CNTLN: variants seen among roughly 807,000 people sequenced by gnomAD.
The protein encoded by CNTLN is centlein.
Under a neutral mutation model 180.0 loss-of-function variants are expected in CNTLN, and 212 were observed. That is an observed-to-expected ratio of 1.18 (90% CI 1.05 to 1.32). CNTLN has a LOEUF of 1.32. Ranked by LOEUF, CNTLN falls within the 40% of genes most tolerant of loss-of-function variation. The probability of loss-of-function intolerance (pLI) is 0.00; values close to 1 mark genes in which losing one functional copy is unlikely to be tolerated. For missense variants in CNTLN, 2,095 were observed against 1,610.9 expected (o/e 1.30, Z -5.14); for synonymous variants, 722 against 563.1 (o/e 1.28, Z -3.99).
chr9:17,385,233 C>A (rs1825595872), intron 13 of CNTLN, among the ~76,000 whole-genome samples: 1 of 152,202 alleles, frequency 6.6e-6, no homozygotes. Flanking sequence ...TGTTCACCAA[C>A]TTGGAATTTC....
At chr9:17,262,794 G>A (rs755961003) in intron 5 of CNTLN, among the ~76,000 whole-genome samples, 34 of 151,148 alleles carry the variant, frequency 2.2e-4, no homozygotes, top group Admixed American at 1.3e-4. Flanking sequence ...GTTCTTAAAG[G>A]GAATGCTTCC....
At chr9:17,445,717 A>G (rs1423860924) in intron 18 of CNTLN, among the ~76,000 whole-genome samples, 1 of 152,194 alleles carries the variant, frequency 6.6e-6, no homozygotes, top group South Asian at 2.1e-4. Flanking sequence ...TCCCCATGTG[A>G]TAGTCTGAAA....
intron 2 of CNTLN, among the ~76,000 whole-genome samples, chr9:17,212,168 T>C (rs1823368185): frequency 6.6e-6 from 1 of 152,232 alleles, no homozygotes. Context: ...TTTTGCCCAT[T>C]CAGTATGATA....
At chr9:17,414,361 A>G (rs886718728) in intron 16 of CNTLN, among the ~76,000 whole-genome samples, 1 of 152,220 alleles carries the variant, frequency 6.6e-6, no homozygotes, top group African/African-American at 2.4e-5. Context: ...AGTACTGGAA[A>G]CAGAAGCCCA....
intron 7 of CNTLN, chr9:17,301,204 T>G (rs1313374743): frequency 1.0e-6 from 1 of 985,332 alleles, no homozygotes; most frequent in Admixed American, 6.1e-5. Context: ...CTAGTGTATG[T>G]CTTTACTAAA....
chr9:17,135,088 C>T lies in CNTLN; in HGVS notation c.23C>T (p.Ser8Leu). MAARSPP[S>L]PHPSPPARQL... ...GCCATGGCGGCGCGTTCGCCTCCCT[C>T]ACCGCACCCTTCGCCCCCAGCGCGA... The change falls in exon 1 of 26, where the codon TCA becomes TTA. Residue 8 changes from serine (S) to leucine (L), a missense_variant. Ser to Leu is a moderately radical substitution (Grantham distance 145, BLOSUM62 -2). Transcript: ENST00000380647. The T allele has an allele frequency of 3.1e-6, 5 of 1,603,014 alleles. No individual in the cohort carries two copies. The highest frequency in any genetic ancestry group is 4.2e-6 in the Non-Finnish European group (5 of 1,177,516).
At chr9:17,334,461 C>T (rs994511686) in intron 10 of CNTLN, among the ~76,000 whole-genome samples, 6 of 151,372 alleles carry the variant, frequency 4.0e-5, no homozygotes, top group African/African-American at 1.2e-4. Context: ...CAATTATTTA[C>T]TATATTTATA....
chr9:17,237,352 C>T (rs1262982331), intron 5 of CNTLN, among the ~76,000 whole-genome samples: 1 of 116,978 alleles, frequency 8.5e-6, no homozygotes, highest in Non-Finnish European at 1.7e-5. Flanking sequence ...TGTATATGCC[C>T]CTACACACAC....
At chr9:17,333,902 G>A (rs2133139073) in intron 10 of CNTLN, among the ~76,000 whole-genome samples, 1 of 152,272 alleles carries the variant, frequency 6.6e-6, no homozygotes, top group East Asian at 1.9e-4. Flanking sequence ...TTGTCTAACA[G>A]GAGACTGTTA....
intron 25 of CNTLN, 47 bp from the exon 26 acceptor site, chr9:17,502,504 G>A (rs750746426): frequency 2.2e-6 from 2 of 909,326 alleles, no homozygotes; most frequent in South Asian, 3.4e-5. Flanking sequence ...TTTTTGAACT[G>A]AAGAAAATAT....
intron 2 of CNTLN, among the ~76,000 whole-genome samples, chr9:17,175,352 T>A (rs1820655995): frequency 6.6e-6 from 1 of 152,144 alleles, no homozygotes; most frequent in South Asian, 2.1e-4. Flanking sequence ...TTTCTTTTCT[T>A]TTTTTGCCTG....
At chr9:17,192,097 C>G (rs976494525) in intron 2 of CNTLN, among the ~76,000 whole-genome samples, 1 of 152,056 alleles carries the variant, frequency 6.6e-6, no homozygotes, top group African/African-American at 2.4e-5. Context: ...ATTTGTGATT[C>G]TATGTGTTCA....
chr9:17,268,216 T>C (rs1390576911), intron 5 of CNTLN, among the ~76,000 whole-genome samples: 1 of 152,140 alleles, frequency 6.6e-6, no homozygotes, highest in Non-Finnish European at 1.5e-5. Context: ...GGGTTTTTAG[T>C]GTGGATGTGC....
chr9:17,182,663 G>A (rs960494737), intron 2 of CNTLN, among the ~76,000 whole-genome samples: 1 of 152,140 alleles, frequency 6.6e-6, no homozygotes, highest in East Asian at 1.9e-4. Context: ...GATAGATGAC[G>A]AGTTTACCCT....
chr9:17,353,890 G>C (rs955392580), intron 12 of CNTLN, among the ~76,000 whole-genome samples: 1 of 152,200 alleles, frequency 6.6e-6, no homozygotes, highest in South Asian at 2.1e-4. Context: ...TTTCTGGGCT[G>C]GCCAAGGCTG....
intron 10 of CNTLN, among the ~76,000 whole-genome samples, chr9:17,338,337 G>GTTTTTTTTTTTTTTTT (rs71331486): frequency 5.0e-5 from 5 of 100,436 alleles, no homozygotes; most frequent in African/African-American, 1.2e-4. Flanking sequence ...GCTAATTTTT[G>GTTTTTTTTTTTTTTTT]TTTTTTTTTT....
intron 1 of CNTLN, among the ~76,000 whole-genome samples, chr9:17,142,054 C>T (rs1419954571): frequency 6.7e-6 from 1 of 149,140 alleles, no homozygotes; most frequent in East Asian, 2.0e-4. Flanking sequence ...TGCACTCCAG[C>T]CTGGGCGACA....
At position 17,340,478 on chromosome 9, in the gene CNTLN, G is replaced by A. The variant is rs147833018; in HGVS notation, c.1645-349G>A. Among the ~76,000 whole-genome samples, 1,388 of 152,232 alleles carry A rather than the reference G, an allele frequency of 9.1e-3. 10 individuals carry two copies. Among genetic ancestry groups the A allele is most frequent in the Middle Eastern group, 0.034 (10 of 294 alleles). On this transcript the variant is annotated intron_variant, in intron 10 of 25. Coordinates refer to ENST00000380647, the MANE Select transcript of CNTLN (RefSeq NM_017738.4). ...CTTTAATAAAATAATCATGGTTTAT[G>A]TATAGATAAAACCTTATGCTGAAAA...
At chr9:17,182,898 T>C (rs1821208466) in intron 2 of CNTLN, among the ~76,000 whole-genome samples, 1 of 152,194 alleles carries the variant, frequency 6.6e-6, no homozygotes, top group Non-Finnish European at 1.5e-5. Flanking sequence ...TGAATTCTAG[T>C]GGGAGGGGCC....
Sources: allele counts gnomAD v4.1 joint callset (sites outside exome capture counted in the v4.1 genomes callset), GRCh38; gene constraint gnomAD v4.1.1; transcripts MANE v1.5; gene names NCBI Gene and HGNC (gene_info 2026-07-23, HGNC 2026-07-21).